TEX11: variants seen among roughly 807,000 people sequenced by gnomAD.
TEX11 encodes testis-expressed protein 11.
In TEX11, 7 loss-of-function variants were observed where a neutral mutation model predicts 84.4. That is an observed-to-expected ratio of 0.08 (90% CI 0.05 to 0.16). The LOEUF (loss-of-function observed/expected upper bound fraction) is 0.16. Among genes scored for constraint, TEX11 ranks in the 10% least tolerant of loss-of-function variants. The probability of loss-of-function intolerance (pLI) is 1.00; values close to 1 mark genes in which losing one functional copy is unlikely to be tolerated. For synonymous variants in TEX11, 264 were observed against 222.8 expected (o/e 1.18, Z -1.64); for missense variants, 551 against 660.5 (o/e 0.83, Z 1.82).
At chrX:70,879,182 G>T (rs976292772) in intron 3 of TEX11, among the ~76,000 whole-genome samples, 1 of 110,691 alleles carries the variant, frequency 9.0e-6, no homozygotes, top group African/African-American at 3.3e-5. Context: ...TTCTTTTTGA[G>T]GTGATGAAAA....
intron 9 of TEX11, among the ~76,000 whole-genome samples, chrX:70,758,992 T>TA (rs1394539037): frequency 2.7e-5 from 3 of 111,896 alleles, no homozygotes; most frequent in African/African-American, 9.7e-5. Context: ...TAAACACCTC[T>TA]ACACAAATAT....
At chrX:70,744,069 CT>C in intron 10 of TEX11, 95 bp downstream of exon 10, 1 of 390,003 alleles carries the variant, frequency 2.6e-6, no homozygotes, top group Non-Finnish European at 3.9e-6. Context: ...AATAGCTAAT[CT>C]ACTCATAAAT....
chrX:70,630,721 T>C (rs2089502095), intron 17 of TEX11, among the ~76,000 whole-genome samples: 1 of 112,171 alleles, frequency 8.9e-6, no homozygotes, highest in African/African-American at 3.2e-5. Context: ...AAGGCAGAGA[T>C]AGTAAGACTG....
chrX:70,705,027 T>C (rs1166073322), intron 13 of TEX11, among the ~76,000 whole-genome samples: 2 of 111,845 alleles, frequency 1.8e-5, no homozygotes, highest in East Asian at 2.8e-4. Context: ...TAGCCAGTTT[T>C]CCCAGCACCA....
At chrX:70,802,071 T>G (rs1418075334) in intron 9 of TEX11, among the ~76,000 whole-genome samples, 1 of 111,504 alleles carries the variant, frequency 9.0e-6, no homozygotes, top group Non-Finnish European at 1.9e-5. Context: ...AAAAATCTGG[T>G]AAGAGCCTTT....
At chrX:70,598,391 G>C (rs1323164226) in intron 24 of TEX11, among the ~76,000 whole-genome samples, 3 of 111,578 alleles carry the variant, frequency 2.7e-5, no homozygotes, top group Non-Finnish European at 5.6e-5. Context: ...TGGAGAAATT[G>C]GAATCCTCAT....
intron 5 of TEX11, among the ~76,000 whole-genome samples, chrX:70,859,441 G>A (rs938948536): frequency 4.7e-5 from 5 of 105,281 alleles, no homozygotes; most frequent in Non-Finnish European, 7.8e-5. Context: ...AATTAGCTGG[G>A]CATGGTGGCA....
chrX:70,660,988 T>C (rs1382738202), intron 16 of TEX11, among the ~76,000 whole-genome samples: 1 of 112,320 alleles, frequency 8.9e-6, no homozygotes, highest in African/African-American at 3.2e-5. Context: ...CCAACTGAGG[T>C]ACTGGGTGCA....
At chrX:70,791,438 T>TA (rs1230959503) in intron 9 of TEX11, among the ~76,000 whole-genome samples, 2 of 112,022 alleles carry the variant, frequency 1.8e-5, no homozygotes, top group Non-Finnish European at 3.8e-5. Flanking sequence ...CTGACAGCGT[T>TA]AGACAGATCA....
chrX:70,819,665 A>G (rs1171856518), intron 8 of TEX11, among the ~76,000 whole-genome samples: 6 of 111,606 alleles, frequency 5.4e-5, no homozygotes, highest in Non-Finnish European at 9.4e-5. Flanking sequence ...TGACATGATC[A>G]TATATTTCGA....
chrX:70,565,848 A>G lies in TEX11; in HGVS notation c.2141-11048T>C, dbSNP rs1219473961. Among the ~76,000 whole-genome samples, 8 of 110,832 alleles carry G rather than the reference A, an allele frequency of 7.2e-5. No homozygotes were observed. In the South Asian group the frequency reaches 2.3e-3, roughly 32 times the overall value. On this transcript the variant is annotated intron_variant, in intron 25 of 29. Coordinates refer to ENST00000374333, the MANE Select transcript of TEX11 (RefSeq NM_031276.3). The stretch of plus-strand genomic sequence containing the variant: ...GAAGTCAGGTAGCTTGATGCCTCCA[A>G]CTTTGTTCTTTTGGCTTAGGATTGA...
At chrX:70,650,167 C>T (rs1397203105) in intron 17 of TEX11, among the ~76,000 whole-genome samples, 1 of 110,944 alleles carries the variant, frequency 9.0e-6, no homozygotes, top group African/African-American at 3.3e-5. Context: ...AGTAAAGGGC[C>T]CTGAGGTATT....
At chrX:70,539,192 G>A (rs1366892795) in intron 28 of TEX11, among the ~76,000 whole-genome samples, 2 of 105,894 alleles carry the variant, frequency 1.9e-5, no homozygotes, top group African/African-American at 6.9e-5. Flanking sequence ...CTACCACCAC[G>A]CCCGGCTAAC....
chrX:70,642,523 A>T (rs1444206262), intron 17 of TEX11, among the ~76,000 whole-genome samples: 5 of 105,210 alleles, frequency 4.8e-5, no homozygotes, highest in Middle Eastern at 5.0e-3. Flanking sequence ...ATCCTCAATA[A>T]AATACTGGCA....
chrX:70,872,618 A>G (rs1260677464), intron 4 of TEX11, among the ~76,000 whole-genome samples: 3 of 112,348 alleles, frequency 2.7e-5, no homozygotes, highest in African/African-American at 9.7e-5. Context: ...CTAAAGCACT[A>G]GAACATTGCC....
downstream of TEX11, among the ~76,000 whole-genome samples, chrX:70,528,306 T>C (rs5936905): frequency 0.022 from 2,460 of 111,164 alleles, 33 homozygotes; most frequent in Non-Finnish European, 0.038. Flanking sequence ...GAATTCCCTG[T>C]CATGGGATAA....
intron 13 of TEX11, among the ~76,000 whole-genome samples, chrX:70,705,819 T>A (rs1202977018): frequency 2.7e-5 from 3 of 111,344 alleles, no homozygotes; most frequent in South Asian, 3.8e-4. Flanking sequence ...CAGGTGCTGG[T>A]GAGGATGTGA....
At chrX:70,518,875 CT>C in the TEX11 span, among the ~76,000 whole-genome samples, 1 of 111,349 alleles carries the variant, frequency 9.0e-6, no homozygotes, top group Admixed American at 9.6e-5. Context: ...ATGTAATGGC[CT>C]TGTCTATTTT....
intron 9 of TEX11, among the ~76,000 whole-genome samples, chrX:70,752,524 C>CAAAAAAAAAAAAAAAAAAAAAAA (rs753939405): frequency 3.6e-5 from 1 of 28,161 alleles, no homozygotes; most frequent in Non-Finnish European, 6.9e-5. Flanking sequence ...TACTCTGTCT[C>CAAAAAAAAAAAAAAAAAAAAAAA]AAAAAAAAAA....
Sources: allele counts gnomAD v4.1 joint callset (sites outside exome capture counted in the v4.1 genomes callset), GRCh38; gene constraint gnomAD v4.1.1; transcripts MANE v1.5; gene names NCBI Gene and HGNC (gene_info 2026-07-23, HGNC 2026-07-21).